CCSER2: variants seen among roughly 807,000 people sequenced by gnomAD.
The protein encoded by CCSER2 is serine-rich coiled-coil domain-containing protein 2.
In CCSER2, 46 loss-of-function variants were observed where a neutral mutation model predicts 92.3. The ratio of observed to expected loss-of-function variants is 0.50; its 90% CI spans 0.39 to 0.64. The LOEUF (loss-of-function observed/expected upper bound fraction) is 0.64. Ranked by LOEUF, CCSER2 falls within the 30% of genes least tolerant of loss-of-function variation. CCSER2 has a pLI of 0.00. For missense variants in CCSER2, 1,244 were observed against 1,238.9 expected (o/e 1.00, Z -0.06); for synonymous variants, 433 against 431.4 (o/e 1.00, Z -0.04).
chr10:84,423,198 C>G (rs1195574248), intron 4 of CCSER2, among the ~76,000 whole-genome samples: 1 of 152,166 alleles, frequency 6.6e-6, no homozygotes, highest in Non-Finnish European at 1.5e-5. Flanking sequence ...CAGTGTTATT[C>G]CACATTATCT....
intron 1 of CCSER2, among the ~76,000 whole-genome samples, chr10:84,359,549 T>C (rs145359542): frequency 5.4e-4 from 82 of 152,330 alleles, no homozygotes; most frequent in African/African-American, 1.7e-3. Flanking sequence ...CTAGGTGTTA[T>C]TGATGCTACT....
intron 1 of CCSER2, among the ~76,000 whole-genome samples, chr10:84,348,109 A>T (rs985139221): frequency 6.6e-6 from 1 of 152,072 alleles, no homozygotes; most frequent in African/African-American, 2.4e-5. Context: ...GGCGGCTGGG[A>T]GGTGGAGGTT....
chr10:84,489,186 A>G (rs898759067), intron 9 of CCSER2, among the ~76,000 whole-genome samples: 3 of 152,082 alleles, frequency 2.0e-5, no homozygotes, highest in Admixed American at 2.0e-4. Flanking sequence ...AATAAGTGTG[A>G]TGTGGTGCTG....
chr10:84,336,114 G>C (rs1393398899), intron 1 of CCSER2, among the ~76,000 whole-genome samples: 2 of 152,188 alleles, frequency 1.3e-5, no homozygotes, highest in Non-Finnish European at 2.9e-5. Flanking sequence ...GTACTAGCTA[G>C]AGATGTAGAC....
chr10:84,345,010 C>T lies in CCSER2; in HGVS notation c.-40+16202C>T, dbSNP rs960778662. On this transcript the variant is annotated intron_variant, in intron 1 of 9. Transcript: ENST00000372088. The stretch of plus-strand genomic sequence containing the variant: ...CACACAAGTACTTAATAAATATCAG[C>T]TGCTGTTTTTAGGTATTTGTACTTC... 2.2e-4 allele frequency among the ~76,000 whole-genome samples: 33 copies of T among 152,214 alleles called. No homozygotes were observed. In the East Asian group the frequency reaches 2.7e-3, roughly 12 times the overall value.
intron 3 of CCSER2, among the ~76,000 whole-genome samples, chr10:84,404,214 A>G (rs1842262920): frequency 6.6e-6 from 1 of 152,192 alleles, no homozygotes; most frequent in Non-Finnish European, 1.5e-5. Context: ...AGGGGGCTCC[A>G]TGCCTTGATC....
chr10:84,489,552 G>A (rs1036517459), intron 9 of CCSER2, among the ~76,000 whole-genome samples: 1 of 152,090 alleles, frequency 6.6e-6, no homozygotes, highest in Non-Finnish European at 1.5e-5. Context: ...CAGAGACTAG[G>A]ATTGCAACCC....
At chr10:84,492,267 G>A (rs888165954) in intron 9 of CCSER2, among the ~76,000 whole-genome samples, 6 of 149,354 alleles carry the variant, frequency 4.0e-5, no homozygotes, top group Non-Finnish European at 8.9e-5. Flanking sequence ...GTGGCAGAAC[G>A]AGACTCTGTC....
chr10:84,418,628 A>G (rs1324624427), intron 4 of CCSER2, among the ~76,000 whole-genome samples: 1 of 152,176 alleles, frequency 6.6e-6, no homozygotes, highest in Non-Finnish European at 1.5e-5. Context: ...CCTTTTATCC[A>G]TGGTGCTAGA....
At chr10:84,368,160 G>A (rs1195167032) in intron 1 of CCSER2, among the ~76,000 whole-genome samples, 2 of 152,038 alleles carry the variant, frequency 1.3e-5, no homozygotes, top group Non-Finnish European at 2.9e-5. Context: ...CTTTTGTAGG[G>A]CATGGCAAAT....
intron 3 of CCSER2, among the ~76,000 whole-genome samples, chr10:84,382,393 C>A (rs1390555990): frequency 6.6e-6 from 1 of 152,146 alleles, no homozygotes; most frequent in Admixed American, 6.5e-5. Context: ...ACTTGTTACA[C>A]TCTCAGTCTC....
chr10:84,329,160 G>T (rs1025529311), intron 1 of CCSER2, among the ~76,000 whole-genome samples: 8 of 152,206 alleles, frequency 5.3e-5, no homozygotes, highest in Non-Finnish European at 1.0e-4. Context: ...AAGTACCGGG[G>T]CTCCCCGAAT....
At chr10:84,421,435 CCTT>C (rs1458950571) in intron 4 of CCSER2, among the ~76,000 whole-genome samples, 1 of 152,106 alleles carries the variant, frequency 6.6e-6, no homozygotes, top group Non-Finnish European at 1.5e-5. Context: ...GCAAACATGT[CCTT>C]CTTCACATGG....
At chr10:84,398,915 C>G (rs1382045377) in intron 3 of CCSER2, among the ~76,000 whole-genome samples, 2 of 152,152 alleles carry the variant, frequency 1.3e-5, no homozygotes, top group African/African-American at 4.8e-5. Flanking sequence ...TGTACAGTGC[C>G]TGTATTCTGG....
intron 6 of CCSER2, chr10:84,455,714 T>A (rs1400194766): frequency 2.5e-6 from 2 of 800,936 alleles, no homozygotes; most frequent in Non-Finnish European, 4.5e-6. Context: ...TACCAAAAGA[T>A]CAAATGACCT....
intron 3 of CCSER2, among the ~76,000 whole-genome samples, chr10:84,413,292 A>C (rs1004717183): frequency 6.6e-6 from 1 of 152,140 alleles, no homozygotes. Flanking sequence ...ATTTCGTGCT[A>C]TAAATTTCCC....
At chr10:84,387,326 C>T (rs1263326745) in intron 3 of CCSER2, among the ~76,000 whole-genome samples, 1 of 152,098 alleles carries the variant, frequency 6.6e-6, no homozygotes, top group African/African-American at 2.4e-5. Context: ...CCTGTTGTAT[C>T]GTGAGGACAG....
chr10:84,380,042 G>A (rs1028918818), intron 3 of CCSER2, among the ~76,000 whole-genome samples: 3 of 152,152 alleles, frequency 2.0e-5, no homozygotes, highest in African/African-American at 7.2e-5. Flanking sequence ...ACTAGGAATA[G>A]TGTATTTTCA....
rs1342841659 is a variant in CCSER2, at chr10:84,517,620, T to C, written c.*3353T>C. 1 of 152,682 alleles carries C rather than the reference T, an allele frequency of 6.5e-6. No individual in the cohort carries two copies. Among genetic ancestry groups the C allele is most frequent in the Non-Finnish European group, 1.5e-5 (1 of 68,046 alleles). 9.5% of individuals were successfully genotyped at this position (152,682 alleles called of 1,614,324 possible). A position where few individuals can be genotyped will look rare whatever the true frequency, so the allele number is the denominator to read the frequency against. On this transcript the variant is annotated 3_prime_UTR_variant, in exon 10 of 10. Coordinates refer to ENST00000372088, the MANE Select transcript of CCSER2 (RefSeq NM_001284240.2). ...CTTTGTTGAAATAAATTTGTAATTG[T>C]TGCTGTTTGAAGATATCAGTACAGC...
Sources: gnomAD v4.1 joint callset for allele counts (sites outside exome capture counted in the v4.1 genomes callset) on GRCh38, gnomAD v4.1.1 for gene constraint, MANE v1.5 for transcripts, NCBI Gene and HGNC (gene_info 2026-07-23, HGNC 2026-07-21) for gene names.